Variants in MTMR8 observed in about 807,000 individuals in gnomAD.
The protein encoded by MTMR8 is phosphatidylinositol-3,5-bisphosphate 3-phosphatase MTMR8.
A neutral mutation model predicts 39.3 loss-of-function variants in MTMR8; 65 were observed. The ratio of observed to expected loss-of-function variants is 1.65; its 90% CI spans 1.35 to 2.03. The LOEUF (loss-of-function observed/expected upper bound fraction) is 2.03. MTMR8 is among the 30% of genes most tolerant of loss of function. The pLI is 0.00. For synonymous variants in MTMR8, 245 were observed against 185.2 expected, an observed-to-expected ratio of 1.32 and a Z score of -2.62; for missense variants, 777 against 538.9, an observed-to-expected ratio of 1.44 and a Z score of -4.37.
chrX:64,277,997 C>A (rs1456544913), intron 12 of MTMR8, among the ~76,000 whole-genome samples: 1 of 108,614 alleles, frequency 9.2e-6, no homozygotes, highest in Non-Finnish European at 1.9e-5. Context: ...TCTCTGATAT[C>A]TTTTCTTCTG....
chrX:64,321,204 G>A (rs1434541112), intron 12 of MTMR8, among the ~76,000 whole-genome samples: 1 of 111,487 alleles, frequency 9.0e-6, no homozygotes, highest in Non-Finnish European at 1.9e-5. Flanking sequence ...CCATTCATAG[G>A]AAAAACAATT....
chrX:64,306,310 A>G, intron 12 of MTMR8: 1 of 305,687 alleles, frequency 3.3e-6, no homozygotes, highest in Non-Finnish European at 6.5e-6. Context: ...GCTTGTTCAG[A>G]GGTTCTAGAT....
chrX:64,380,173 G>T (rs1456160542), intron 1 of MTMR8, among the ~76,000 whole-genome samples: 4 of 112,445 alleles, frequency 3.6e-5, no homozygotes, highest in Non-Finnish European at 7.5e-5. Flanking sequence ...TGCCACTGAG[G>T]TTATTACAAA....
chrX:64,314,259 T>A (rs1922397450), intron 12 of MTMR8, among the ~76,000 whole-genome samples: 1 of 113,044 alleles, frequency 8.8e-6, no homozygotes, highest in South Asian at 3.6e-4. Context: ...TTTGCATGTG[T>A]CAGCAGTGGT....
rs895493969 is a variant in MTMR8, at chrX:64,343,792, A to C, written c.866-72T>G. On this transcript the variant is annotated intron_variant, in intron 7 of 13. Transcript: ENST00000374852. Reference sequence around the variant, plus strand: ...TTTATTCATTAAGGGGAGAAAGTGGATCTCCATATCGTAAGTGAGGAAGCT... The same window carrying C: ...TTTATTCATTAAGGGGAGAAAGTGGCTCTCCATATCGTAAGTGAGGAAGCT... 58 of 709,060 alleles carry C rather than the reference A, an allele frequency of 8.2e-5. No individual in the cohort carries two copies. The South Asian group carries it at 8.4e-4, about 10-fold the overall frequency. The allele number at this position is 709,060 out of a possible 1,213,427, so 58.4% of individuals were successfully genotyped here.
chrX:64,354,596 T>A (rs907593081), intron 4 of MTMR8, among the ~76,000 whole-genome samples, 181 bp downstream of exon 4: 1 of 111,974 alleles, frequency 8.9e-6, no homozygotes, highest in Non-Finnish European at 1.9e-5. Context: ...GGCCATGAGA[T>A]CTCTTACTCA....
chrX:64,336,107 T>C lies in MTMR8; in HGVS notation c.1123A>G (p.Ile375Val), dbSNP rs762864175. ...TGGGAAAACTTGTGGCCCATGGATA[T>C]CCATTCCTTCTCTATCAAGATCTTC... is the stretch of plus-strand genomic sequence containing the variant. ...GLMILIEKEW[I>V]SMGHKFSQRC... The change falls in exon 10 of 14, where the codon ATA becomes GTA. Residue 375 changes from isoleucine to valine, a missense_variant. Physicochemically the swap from Ile to Val is conservative, Grantham distance 29. Coordinates refer to ENST00000374852, the MANE Select transcript of MTMR8 (RefSeq NM_017677.4). 14 of 1,191,533 alleles carry C rather than the reference T, an allele frequency of 1.2e-5. No homozygotes were observed. Among genetic ancestry groups the C allele is most frequent in the African/African-American group, 8.8e-5 (5 of 56,585 alleles).
At chrX:64,357,835 A>T (rs1216530591) in intron 2 of MTMR8, among the ~76,000 whole-genome samples, 1 of 111,968 alleles carries the variant, frequency 8.9e-6, no homozygotes, top group Non-Finnish European at 1.9e-5. Context: ...TCCAGTCAAC[A>T]TGAGAGATGT....
chrX:64,391,991 G>T (rs781306065), intron 1 of MTMR8, among the ~76,000 whole-genome samples: 6 of 111,746 alleles, frequency 5.4e-5, no homozygotes, highest in Non-Finnish European at 1.1e-4. Context: ...TAAGAATTCT[G>T]GGTGCCAACT....
intron 12 of MTMR8, among the ~76,000 whole-genome samples, chrX:64,310,973 G>C (rs1000114080): frequency 1.8e-5 from 2 of 111,757 alleles, no homozygotes; most frequent in Non-Finnish European, 3.8e-5. Context: ...GTGTGCATGT[G>C]TCTTTATAGT....
intron 12 of MTMR8, among the ~76,000 whole-genome samples, chrX:64,293,082 G>A (rs919882425): frequency 6.3e-5 from 7 of 111,181 alleles, no homozygotes; most frequent in Non-Finnish European, 5.7e-5. Flanking sequence ...GGTTTATCAG[G>A]CAACAGATGA....
At chrX:64,338,650 A>T (rs924015049) in intron 8 of MTMR8, among the ~76,000 whole-genome samples, 5 of 112,076 alleles carry the variant, frequency 4.5e-5, no homozygotes, top group African/African-American at 1.6e-4. Flanking sequence ...CCATGATCAG[A>T]TGTACATCTT....
intron 12 of MTMR8, among the ~76,000 whole-genome samples, chrX:64,319,937 G>A (rs868653629): frequency 2.7e-4 from 30 of 111,321 alleles, no homozygotes; most frequent in Non-Finnish European, 5.1e-4. Flanking sequence ...CCAATTCTGT[G>A]AAGTAACTTA....
chrX:64,336,118 T>C lies in MTMR8; in HGVS notation c.1112A>G (p.Glu371Gly). The change falls in exon 10 of 14, where the codon GAG becomes GGG. Residue 371 changes from glutamate (E) to glycine (G), a missense_variant. Glu to Gly is a moderately conservative substitution (Grantham distance 98). Coordinates refer to ENST00000374852, the MANE Select transcript of MTMR8 (RefSeq NM_017677.4). ...RTFKGLMILI[E>G]KEWISMGHKF... The stretch of plus-strand genomic sequence containing the variant: ...GTGGCCCATGGATATCCATTCCTTC[T>C]CTATCAAGATCTTCATTTTATAGAA... 1 of 1,184,489 alleles carries C rather than the reference T, an allele frequency of 8.4e-7. No homozygotes were observed. Among genetic ancestry groups the C allele is most frequent in the Non-Finnish European group, 1.1e-6 (1 of 878,352 alleles).
At chrX:64,296,646 T>G (rs1313268003) in intron 12 of MTMR8, among the ~76,000 whole-genome samples, 3 of 105,769 alleles carry the variant, frequency 2.8e-5, no homozygotes, top group African/African-American at 1.0e-4. Context: ...TAGTTACATA[T>G]GTATACATGT....
intron 12 of MTMR8, among the ~76,000 whole-genome samples, chrX:64,311,673 A>G (rs1922304597): frequency 9.0e-6 from 1 of 111,014 alleles, no homozygotes; most frequent in African/African-American, 3.3e-5. Context: ...ATTTTTGTAT[A>G]AGGTGTAAGG....
At chrX:64,344,910 A>G (rs1302030869) in intron 7 of MTMR8, 135 bp downstream of exon 7, 12 of 586,613 alleles carry the variant, frequency 2.0e-5, no homozygotes, top group Non-Finnish European at 2.8e-5. Context: ...TTTGTACAAT[A>G]GTTAAACACC....
intron 10 of MTMR8, among the ~76,000 whole-genome samples, 182 bp downstream of exon 10, chrX:64,335,897 G>C (rs984390259): frequency 1.8e-4 from 20 of 111,951 alleles, no homozygotes; most frequent in Non-Finnish European, 1.9e-5. Flanking sequence ...ATAATATTCT[G>C]GTTACTTTTG....
chrX:64,341,479 CAAA>C (rs758580930), intron 8 of MTMR8, among the ~76,000 whole-genome samples: 1 of 25,547 alleles, frequency 3.9e-5, no homozygotes, highest in Admixed American at 4.8e-4. Flanking sequence ...AACTCTGTCT[CAAA>C]AAAAAAAAAA....
Sources: gnomAD v4.1 joint callset for allele counts (sites outside exome capture counted in the v4.1 genomes callset) on GRCh38, gnomAD v4.1.1 for gene constraint, MANE v1.5 for transcripts, NCBI Gene and HGNC (gene_info 2026-07-23, HGNC 2026-07-21) for gene names.